Variants in SPATA21 observed in about 807,000 individuals in gnomAD.
The protein encoded by SPATA21 is spermatogenesis-associated protein 21.
Under a neutral mutation model 54.8 loss-of-function variants are expected in SPATA21, and 47 were observed. The ratio of observed to expected loss-of-function variants is 0.86; its 90% CI spans 0.68 to 1.09. The LOEUF (loss-of-function observed/expected upper bound fraction) is 1.09, where lower values mean the gene tolerates loss of function less well. Among genes scored for constraint, SPATA21 ranks in the 50% least tolerant of loss-of-function variants. The pLI is 0.00. For synonymous variants in SPATA21, 245 were observed against 235.3 expected (o/e 1.04, Z -0.38); for missense variants, 599 against 596.4 (o/e 1.00, Z -0.05).
chr1:16,433,613 C>T (rs1377546174), intron 1 of SPATA21, among the ~76,000 whole-genome samples: 2 of 152,326 alleles, frequency 1.3e-5, no homozygotes, highest in African/African-American at 4.8e-5. Flanking sequence ...TTGGAATTGT[C>T]AGGCCCCAGT....
downstream of SPATA21, chr1:16,396,370 A>G (rs1234665007): frequency 6.6e-6 from 1 of 152,188 alleles, no homozygotes; most frequent in Non-Finnish European, 1.5e-5. Flanking sequence ...GAAAAAGAAC[A>G]GCTTTGCTTT....
chr1:16,416,503 C>T (rs970219992), intron 5 of SPATA21, among the ~76,000 whole-genome samples: 1 of 152,090 alleles, frequency 6.6e-6, no homozygotes, highest in Non-Finnish European at 1.5e-5. Flanking sequence ...CATGGCGAAA[C>T]TCTGTCTCTA....
chr1:16,423,912 A>G (rs891838975), intron 3 of SPATA21, among the ~76,000 whole-genome samples: 25 of 152,044 alleles, frequency 1.6e-4, no homozygotes, highest in African/African-American at 6.0e-4. Context: ...GTACAATTTC[A>G]TTTGTGTAAA....
chr1:16,426,214 T>C (rs1181203342), intron 3 of SPATA21, among the ~76,000 whole-genome samples: 1 of 152,102 alleles, frequency 6.6e-6, no homozygotes, highest in Admixed American at 6.6e-5. Context: ...TTTAGTATTC[T>C]GGAGTATTTC....
chr1:16,402,755 G>A (rs1179409340), intron 10 of SPATA21, among the ~76,000 whole-genome samples: 1 of 150,802 alleles, frequency 6.6e-6, no homozygotes, highest in Admixed American at 6.6e-5. Context: ...GGTGGCTCAT[G>A]CCTGTAATCC....
intron 8 of SPATA21, 48 bp from the exon 9 acceptor site, chr1:16,404,087 C>T (rs17419150): frequency 1.3e-6 from 2 of 1,503,974 alleles, no homozygotes; most frequent in Non-Finnish European, 1.8e-6. Context: ...CGGAGCAGGT[C>T]CATGCCTTGC....
At chr1:16,402,249 C>CTTT (rs869032281) in intron 10 of SPATA21, among the ~76,000 whole-genome samples, 1,400 of 55,964 alleles carry the variant, frequency 0.025, 311 homozygotes, top group Middle Eastern at 0.042. Context: ...AGCTGCCATT[C>CTTT]TTTTTTTTTT....
intron 3 of SPATA21, chr1:16,425,606 C>T: frequency 2.6e-6 from 4 of 1,550,266 alleles, no homozygotes; most frequent in Non-Finnish European, 3.5e-6. Flanking sequence ...CTTTCCGGAG[C>T]CCAGCTGCTG....
At chr1:16,427,370 T>G (rs2086350541) in intron 3 of SPATA21, among the ~76,000 whole-genome samples, 1 of 152,162 alleles carries the variant, frequency 6.6e-6, no homozygotes, top group Non-Finnish European at 1.5e-5. Context: ...CTTTACTATT[T>G]CTATTATCCC....
At chr1:16,420,193 G>C (rs1427371193) in intron 5 of SPATA21, among the ~76,000 whole-genome samples, 1 of 152,064 alleles carries the variant, frequency 6.6e-6, no homozygotes, top group Non-Finnish European at 1.5e-5. Flanking sequence ...TGTGTCTTCT[G>C]CTGTTGCGAG....
chr1:16,426,832 G>A (rs1372208991), intron 3 of SPATA21, among the ~76,000 whole-genome samples: 1 of 151,652 alleles, frequency 6.6e-6, no homozygotes, highest in African/African-American at 2.4e-5. Flanking sequence ...CACCTGCCTT[G>A]GCCTCCCAAA....
intron 2 of SPATA21, among the ~76,000 whole-genome samples, chr1:16,432,117 T>TTCTTCTTCTTCTTCTTCTTCTTCTTCTTC (rs1557675718): frequency 4.8e-5 from 7 of 145,006 alleles, no homozygotes; most frequent in African/African-American, 1.0e-4. Flanking sequence ...TCTTCTTCTT[T>TTCTTCTTCTTCTTCTTCTTCTTCTTCTTC]TTTTTTTTTT....
At chr1:16,411,779 G>A (rs2085853094) in intron 5 of SPATA21, among the ~76,000 whole-genome samples, 1 of 114,510 alleles carries the variant, frequency 8.7e-6, no homozygotes, top group African/African-American at 3.5e-5. Context: ...GACAGAGCAA[G>A]ACTCTGTCTC....
Position 16,399,404 on chromosome 1 carries a change from G to T in SPATA21, c.1292C>A (p.Pro431His), listed in dbSNP as rs774229651. ...SNHYALDQCT[P>H]PGLDPDIRSP... Reference sequence around the variant, plus strand: ...GCGGATGTCAGGATCCAGGCCAGGGGGTGTGCACTGGTCTAGTGCATAGTG... The same window carrying T: ...GCGGATGTCAGGATCCAGGCCAGGGTGTGTGCACTGGTCTAGTGCATAGTG... Residue 431 changes from proline to histidine, a missense_variant, in exon 12 of 13, where the codon CCC becomes CAC. Coordinates refer to ENST00000335496, the MANE Select transcript of SPATA21 (RefSeq NM_198546.1). 1.9e-6 allele frequency: 3 copies of T among 1,613,924 alleles called. No homozygotes were observed. The highest frequency in any genetic ancestry group is 2.2e-5 in the South Asian group (2 of 91,074).
intron 5 of SPATA21, among the ~76,000 whole-genome samples, chr1:16,412,653 G>A (rs1157623164): frequency 6.6e-6 from 1 of 151,854 alleles, no homozygotes; most frequent in Admixed American, 6.6e-5. Context: ...AGTAGAGACA[G>A]CATTTTACCA....
At chr1:16,431,066 T>A (rs940836156) in intron 3 of SPATA21, among the ~76,000 whole-genome samples, 1 of 152,230 alleles carries the variant, frequency 6.6e-6, no homozygotes, top group African/African-American at 2.4e-5. Flanking sequence ...TATGAAGGCA[T>A]GTGTCAGTTA....
rs1468751294 is a variant in SPATA21, at chr1:16,399,513, G to T, written c.1183C>A (p.Leu395Met). ...GGCACCTGGGCATAGGGGCTCTGCA[G>T]GTTGGGAGCTGGTGAAGAAGGAGGC... ...RLKQQNYAPN[L>M]QSPYAQVPCI... Residue 395 changes from leucine to methionine, a missense_variant, in exon 12 of 13, where the codon CTG becomes ATG. Physicochemically the swap from Leu to Met is conservative, Grantham distance 15 (BLOSUM62 2). Coordinates refer to ENST00000335496, the MANE Select transcript of SPATA21 (RefSeq NM_198546.1). 1 of 1,612,840 alleles carries T rather than the reference G, an allele frequency of 6.2e-7. No homozygotes were observed.
intron 3 of SPATA21, among the ~76,000 whole-genome samples, chr1:16,426,232 C>T (rs578236467): frequency 3.4e-4 from 51 of 150,838 alleles, no homozygotes; most frequent in African/African-American, 1.2e-3. Context: ...TTCCTCCAAG[C>T]TTCTTCCTAT....
rs2086453933 is a variant in SPATA21 at position 16,431,382 on chromosome 1, C to T, written c.-11G>A. The T allele has an allele frequency of 6.2e-7, 1 of 1,613,918 alleles. No individual in the cohort carries two copies. Among genetic ancestry groups the T allele is most frequent in the African/African-American group, 1.3e-5 (1 of 74,896 alleles). ...GTTTCTATTGTCCATGATGCCAGCG[C>T]CAACACGGGTGCCAAGTGAGGGGCA... On this transcript the variant is annotated 5_prime_UTR_variant, in exon 3 of 13. The change creates a premature stop within an existing upstream ORF in the 5' untranslated region. Transcript: ENST00000335496.
Sources: gnomAD v4.1 joint callset for allele counts (sites outside exome capture counted in the v4.1 genomes callset) on GRCh38, gnomAD v4.1.1 for gene constraint, MANE v1.5 for transcripts, NCBI Gene and HGNC (gene_info 2026-07-23, HGNC 2026-07-21) for gene names.